DCX: variants seen among roughly 807,000 people sequenced by gnomAD.
DCX encodes neuronal migration protein doublecortin.
In DCX, 4 loss-of-function variants were observed where a neutral mutation model predicts 20.9. The ratio of observed to expected loss-of-function variants is 0.19; its 90% CI spans 0.09 to 0.44. The LOEUF (loss-of-function observed/expected upper bound fraction) is 0.44, where lower values mean the gene tolerates loss of function less well. Among genes scored for constraint, DCX ranks in the 20% least tolerant of loss-of-function variants. The probability of loss-of-function intolerance (pLI) is 0.99; values close to 1 mark genes in which losing one functional copy is unlikely to be tolerated. For missense variants in DCX, 133 were observed against 296.9 expected (o/e 0.45, Z 4.06); for synonymous variants, 103 against 111.4 (o/e 0.92, Z 0.47).
chrX:111,375,559 T>C (rs781291435), intron 3 of DCX, among the ~76,000 whole-genome samples: 56 of 111,840 alleles, frequency 5.0e-4, no homozygotes, highest in Middle Eastern at 9.2e-3. Flanking sequence ...AGGCTCTTGA[T>C]TGCTGACTTT....
At chrX:111,385,985 G>C (rs995847460) in intron 3 of DCX, among the ~76,000 whole-genome samples, 4 of 111,253 alleles carry the variant, frequency 3.6e-5, no homozygotes, top group African/African-American at 1.3e-4. Flanking sequence ...TTTGTATGAA[G>C]ATTTCCAGGA....
chrX:111,390,561 C>A lies in DCX; in HGVS notation c.705+10429G>T, dbSNP rs773510154. On this transcript the variant is annotated intron_variant, in intron 3 of 6. Coordinates refer to ENST00000636035, the MANE Select transcript of DCX (RefSeq NM_001195553.2). ...TCCTTTTTAATTTCCACTACTGCTGCCTCGATTTAGATCCTTCTATTCTCT... is the reference window on the plus strand; with the variant it reads ...TCCTTTTTAATTTCCACTACTGCTGACTCGATTTAGATCCTTCTATTCTCT... 4.5e-5 allele frequency among the ~76,000 whole-genome samples: 5 copies of A among 111,964 alleles called. No homozygotes were observed. In the East Asian group the frequency reaches 1.4e-3, roughly 32 times the overall value.
intron 3 of DCX, among the ~76,000 whole-genome samples, chrX:111,397,802 CAT>C (rs1178952878): frequency 1.4e-4 from 5 of 35,958 alleles, no homozygotes; most frequent in Non-Finnish European, 5.7e-4. Flanking sequence ...TGTATATCTA[CAT>C]ATATGTGTGT....
intron 3 of DCX, among the ~76,000 whole-genome samples, chrX:111,384,230 C>G (rs757366806): frequency 9.0e-6 from 1 of 111,611 alleles, no homozygotes; most frequent in East Asian, 2.9e-4. Flanking sequence ...GTTGAGCTCA[C>G]TATACCTTCT....
intron 2 of DCX, among the ~76,000 whole-genome samples, chrX:111,408,410 C>T (rs1017149937): frequency 1.6e-4 from 18 of 110,075 alleles, no homozygotes; most frequent in African/African-American, 5.6e-4. Context: ...ATCCTGAGGT[C>T]GGGAGTTCAA....
At chrX:111,383,762 G>A (rs1926159830) in intron 3 of DCX, among the ~76,000 whole-genome samples, 1 of 111,390 alleles carries the variant, frequency 9.0e-6, no homozygotes, top group African/African-American at 3.3e-5. Context: ...TGCCTAGGGA[G>A]ATTTAAAAAA....
chrX:111,316,504 A>G (rs1361836925), intron 5 of DCX, among the ~76,000 whole-genome samples: 4 of 111,347 alleles, frequency 3.6e-5, no homozygotes, highest in African/African-American at 9.8e-5. Flanking sequence ...TGCTGCAGTT[A>G]CAGGCATGAG....
rs1300170424 is a variant in DCX at position 111,395,755 on chromosome X, G to T, written c.705+5235C>A. 2.7e-5 allele frequency among the ~76,000 whole-genome samples: 3 copies of T among 112,241 alleles called. No homozygotes were observed. In the Admixed American group the frequency reaches 2.8e-4, roughly 11 times the overall value. On this transcript the variant is annotated intron_variant, in intron 3 of 6. Coordinates refer to ENST00000636035, the MANE Select transcript of DCX (RefSeq NM_001195553.2). ...CCAGCCTTGATCTTCTCAAGTGAAG[G>T]CCAATGATAAATGACCTCCCTCTTG...
chrX:111,320,824 T>TTC (rs375989722), intron 5 of DCX, among the ~76,000 whole-genome samples: 79 of 105,041 alleles, frequency 7.5e-4, no homozygotes, highest in African/African-American at 2.1e-3. Context: ...CTCTCTTTCT[T>TTC]TCTCTCTCTC....
chrX:111,398,296 A>C (rs1257846606), intron 3 of DCX, among the ~76,000 whole-genome samples: 1 of 109,803 alleles, frequency 9.1e-6, no homozygotes, highest in East Asian at 2.9e-4. Flanking sequence ...TCATTCAATC[A>C]AAAAACATTT....
At chrX:111,364,741 A>G (rs1302825145) in intron 3 of DCX, among the ~76,000 whole-genome samples, 2 of 112,120 alleles carry the variant, frequency 1.8e-5, no homozygotes, top group African/African-American at 3.2e-5. Flanking sequence ...TATATTTTGT[A>G]TGACTGCACA....
At chrX:111,398,723 G>T (rs1215234505) in intron 3 of DCX, among the ~76,000 whole-genome samples, 2 of 112,059 alleles carry the variant, frequency 1.8e-5, no homozygotes, top group East Asian at 5.6e-4. Flanking sequence ...AGATGGAGGT[G>T]TCCCTTTATA....
chrX:111,332,978 C>A (rs1921391191), intron 4 of DCX, 73 bp downstream of exon 4: 1 of 810,313 alleles, frequency 1.2e-6, no homozygotes, highest in African/African-American at 2.0e-5. Flanking sequence ...CCACACCATA[C>A]AAACCCATGG....
intron 3 of DCX, among the ~76,000 whole-genome samples, chrX:111,346,133 T>C (rs1331856454): frequency 9.0e-6 from 1 of 110,813 alleles, no homozygotes; most frequent in East Asian, 2.8e-4. Context: ...ATTCTGGATA[T>C]TAGACCTTTG....
chrX:111,330,334 T>C (rs1356095794), intron 5 of DCX, among the ~76,000 whole-genome samples: 2 of 112,547 alleles, frequency 1.8e-5, no homozygotes, highest in African/African-American at 3.2e-5. Flanking sequence ...GAATCTTCTA[T>C]GGCAAATCTC....
intron 3 of DCX, among the ~76,000 whole-genome samples, chrX:111,359,890 C>CTCTTAT (rs772993567): frequency 1.5e-4 from 17 of 111,692 alleles, no homozygotes; most frequent in Non-Finnish European, 1.9e-5. Context: ...CACTCTTAAA[C>CTCTTAT]ACTATGGGTA....
rs148565189 is a variant in DCX at position 111,320,256 on chromosome X, G to A, written c.947-7520C>T. On this transcript the variant is annotated intron_variant, in intron 5 of 6. Transcript: ENST00000636035. ...TAAAATGTATTCAAGTGCACACTTT[G>A]TCTATGGATTCTGTGGGGAAAAAAA... 3.6e-4 allele frequency among the ~76,000 whole-genome samples: 40 copies of A among 112,109 alleles called. No homozygotes were observed. In the East Asian group the frequency reaches 8.4e-3, roughly 24 times the overall value.
At chrX:111,365,937 C>T (rs963600520) in intron 3 of DCX, among the ~76,000 whole-genome samples, 1 of 111,611 alleles carries the variant, frequency 9.0e-6, no homozygotes, top group Non-Finnish European at 1.9e-5. Context: ...TTGTAGAATG[C>T]TAAGTAGCAT....
At chrX:111,362,783 C>G (rs1327071765) in intron 3 of DCX, among the ~76,000 whole-genome samples, 2 of 111,444 alleles carry the variant, frequency 1.8e-5, no homozygotes, top group African/African-American at 6.5e-5. Context: ...TTTCCCCATC[C>G]TCCTGCCTAA....
Sources: allele counts gnomAD v4.1 joint callset (sites outside exome capture counted in the v4.1 genomes callset), GRCh38; gene constraint gnomAD v4.1.1; transcripts MANE v1.5; gene names NCBI Gene and HGNC (gene_info 2026-07-23, HGNC 2026-07-21).